The following AUNIP variants were observed in gnomAD, a reference collection of about 807,000 sequenced individuals.
AUNIP encodes the protein aurora kinase A- and ninein-interacting protein.
Under a neutral mutation model 12.2 loss-of-function variants are expected in AUNIP, and 16 were observed. The observed-to-expected ratio is 1.31, with a 90% CI of 0.88 to 1.99. The LOEUF (loss-of-function observed/expected upper bound fraction) is 1.99, where lower values mean the gene tolerates loss of function less well. Ranked by LOEUF, AUNIP falls within the 30% of genes most tolerant of loss-of-function variation. The pLI is 0.00. For synonymous variants in AUNIP, 142 were observed against 154.8 expected (o/e 0.92, Z 0.61); for missense variants, 411 against 419.1 (o/e 0.98, Z 0.17).
At chr1:25,858,073 A>C (rs1319061795) in intron 1 of AUNIP, among the ~76,000 whole-genome samples, 1 of 152,116 alleles carries the variant, frequency 6.6e-6, no homozygotes, top group Non-Finnish European at 1.5e-5. Flanking sequence ...AGGCTGAGGC[A>C]GGAGAATGGC....
chr1:25,841,713 A>C (rs1278277063), intron 1 of AUNIP, among the ~76,000 whole-genome samples: 1 of 151,700 alleles, frequency 6.6e-6, no homozygotes, highest in Non-Finnish European at 1.5e-5. Context: ...TTTAGTAGAG[A>C]CGGGGTTTCA....
At chr1:25,845,571 TG>T (rs2124505837) in intron 1 of AUNIP, among the ~76,000 whole-genome samples, 1 of 152,324 alleles carries the variant, frequency 6.6e-6, no homozygotes, top group South Asian at 2.1e-4. Context: ...TCTTCTGAAC[TG>T]GCCATTTATC....
chr1:25,848,789 G>A (rs1187221327), intron 1 of AUNIP, among the ~76,000 whole-genome samples: 2 of 152,222 alleles, frequency 1.3e-5, no homozygotes, highest in Admixed American at 6.5e-5. Flanking sequence ...GCTCAGTTAA[G>A]CTTCCATGAT....
At chr1:25,838,067 C>T (rs147702020) in intron 1 of AUNIP, among the ~76,000 whole-genome samples, 2,160 of 143,524 alleles carry the variant, frequency 0.015, 25 homozygotes, top group Middle Eastern at 0.033. Flanking sequence ...GGCGAAACCC[C>T]GTCTCTACTA....
At chr1:25,840,923 T>G (rs1389758573) in intron 1 of AUNIP, among the ~76,000 whole-genome samples, 1 of 152,212 alleles carries the variant, frequency 6.6e-6, no homozygotes, top group Non-Finnish European at 1.5e-5. Flanking sequence ...TCCAGTAAAG[T>G]TTATAGCTTA....
chr1:25,857,043 G>T (rs892332106), intron 1 of AUNIP, among the ~76,000 whole-genome samples: 2 of 152,110 alleles, frequency 1.3e-5, no homozygotes, highest in Non-Finnish European at 2.9e-5. Flanking sequence ...CTGGAGCCCG[G>T]GGGCGTTGAG....
chr1:25,859,138 T>C, intron 1 of AUNIP, 142 bp downstream of exon 1: 1 of 868,808 alleles, frequency 1.2e-6, no homozygotes. Context: ...ACAATCCCTC[T>C]CGCCTGTGAA....
intron 1 of AUNIP, among the ~76,000 whole-genome samples, chr1:25,851,740 CTCTT>C (rs1261245086): frequency 7.3e-5 from 11 of 151,648 alleles, no homozygotes; most frequent in Admixed American, 3.3e-4. Flanking sequence ...TTATTTTTAT[CTCTT>C]TATTTTCTTT....
intron 1 of AUNIP, among the ~76,000 whole-genome samples, chr1:25,850,211 AAACAAC>A (rs140025145): frequency 0.21 from 32,365 of 151,666 alleles, 3,693 homozygotes; most frequent in African/African-American, 0.26. Context: ...CTGATTCTAA[AAACAAC>A]AACAACAACA....
rs2048280834 is a variant in AUNIP at position 25,834,384 on chromosome 1, G to A, written c.*609C>T. The A allele has an allele frequency of 1.0e-6, 1 of 969,656 alleles. No homozygotes were observed. Among genetic ancestry groups the A allele is most frequent in the South Asian group, 4.8e-5 (1 of 20,940 alleles). 60.1% of individuals were successfully genotyped at this position (969,656 alleles called of 1,614,324 possible). ...TAATCTCAGCACTTTGGGAGGCTGA[G>A]GTGGGCGGATCAGGAGGTCAGGAGA... On this transcript the variant is annotated 3_prime_UTR_variant, in exon 3 of 3. Transcript: ENST00000374298.
Position 25,859,141 on chromosome 1 carries a change from C to T in AUNIP, c.78+139G>A, listed in dbSNP as rs879165763. On this transcript the variant is annotated intron_variant, in intron 1 of 2. Coordinates refer to ENST00000374298, the MANE Select transcript of AUNIP (RefSeq NM_024037.3). ...CTTCTTCAGACCACAATCCCTCTCG[C>T]CTGTGAATCCCCAACGCTGTTCCCT... is the stretch of plus-strand genomic sequence containing the variant. The T allele has an allele frequency of 2.7e-5, 24 of 890,306 alleles. No individual in the cohort carries two copies. The South Asian group carries it at 3.6e-4, about 13-fold the overall frequency. 55.2% of individuals were successfully genotyped at this position (890,306 alleles called of 1,614,324 possible).
intron 1 of AUNIP, among the ~76,000 whole-genome samples, chr1:25,850,742 T>C (rs1006120099): frequency 1.3e-5 from 2 of 152,074 alleles, no homozygotes; most frequent in Admixed American, 6.6e-5. Flanking sequence ...GTACAATTGA[T>C]TTTTGTATCC....
At chr1:25,843,595 A>C (rs12138997) in intron 1 of AUNIP, among the ~76,000 whole-genome samples, 1 of 93,738 alleles carries the variant, frequency 1.1e-5, no homozygotes, top group African/African-American at 1.0e-4. Flanking sequence ...TGTCTGTTTG[A>C]AAAAAAAAAA....
chr1:25,855,999 T>C (rs1286093084), intron 1 of AUNIP, among the ~76,000 whole-genome samples: 1 of 152,162 alleles, frequency 6.6e-6, no homozygotes, highest in Non-Finnish European at 1.5e-5. Flanking sequence ...ATAACTGTCA[T>C]GTACTACATC....
chr1:25,849,871 A>G (rs956910219), intron 1 of AUNIP, among the ~76,000 whole-genome samples: 1 of 152,048 alleles, frequency 6.6e-6, no homozygotes, highest in Non-Finnish European at 1.5e-5. Flanking sequence ...CCTGACCTCA[A>G]GTGATCTGCC....
chr1:25,852,158 T>G (rs1361760895), intron 1 of AUNIP, among the ~76,000 whole-genome samples: 1 of 152,072 alleles, frequency 6.6e-6, no homozygotes, highest in Non-Finnish European at 1.5e-5. Flanking sequence ...CTCCCTATGT[T>G]GCCCAGGCTG....
chr1:25,835,573 C>T lies in AUNIP; in HGVS notation c.494G>A (p.Gly165Glu), dbSNP rs770594212. Residue 165 changes from glycine to glutamate, a missense_variant, in exon 3 of 3, where the codon GGA (glycine) becomes GAA (glutamate). By Grantham distance (98) the Gly-to-Glu change is moderately conservative. Coordinates refer to ENST00000374298, the MANE Select transcript of AUNIP (RefSeq NM_024037.3). Reference protein sequence around the residue: ...LLQPDTPDCAGDSHTPLAFSF... With the variant: ...LLQPDTPDCAEDSHTPLAFSF... ...AAAAGCCAGTGGGGTATGACTATCT[C>T]CAGCACAGTCTGGAGTATCAGGCTG... 9.9e-6 allele frequency: 16 copies of T among 1,614,072 alleles called. No homozygotes were observed. The highest frequency in any genetic ancestry group is 1.2e-5 in the Non-Finnish European group (14 of 1,180,040).
chr1:25,834,986 C>T lies in AUNIP; in HGVS notation c.*7G>A. Reference sequence around the variant, plus strand: ...CAAGGTACTTTTAGAAACAAAGCTTCAAACATTTAGAATTGGTGTCTGATA... The same window carrying T: ...CAAGGTACTTTTAGAAACAAAGCTTTAAACATTTAGAATTGGTGTCTGATA... On this transcript the variant is annotated 3_prime_UTR_variant, in exon 3 of 3. Coordinates refer to ENST00000374298, the MANE Select transcript of AUNIP (RefSeq NM_024037.3). 1.9e-6 allele frequency: 3 copies of T among 1,596,484 alleles called. No individual in the cohort carries two copies. In the East Asian group the frequency reaches 6.7e-5, roughly 36 times the overall value.
chr1:25,835,264 G>A lies in AUNIP; in HGVS notation c.803C>T (p.Pro268Leu), dbSNP rs773039831. Residue 268 changes from proline (P) to leucine (L), a missense_variant, in exon 3 of 3, where the codon CCA becomes CTA. By Grantham distance (98) the Pro-to-Leu change is moderately conservative. Transcript: ENST00000374298. ...ATTGTCCCAGGAAAACACAGAAACT[G>A]GACTACGGCTTTGTTTCACTGATTC... ...NIESVKQSRS[P>L]VSVFSWDNEK... 9 of 1,614,080 alleles carry A rather than the reference G, an allele frequency of 5.6e-6. No homozygotes were observed. Among genetic ancestry groups the A allele is most frequent in the Non-Finnish European group, 7.6e-6 (9 of 1,180,038 alleles).
Sources: allele counts gnomAD v4.1 joint callset (sites outside exome capture counted in the v4.1 genomes callset), GRCh38; gene constraint gnomAD v4.1.1; transcripts MANE v1.5; gene names NCBI Gene and HGNC (gene_info 2026-07-23, HGNC 2026-07-21).